Variants in CDCP1 observed in about 807,000 individuals in gnomAD.
CDCP1 encodes CUB domain-containing protein 1.
CDCP1 carries 29 observed loss-of-function variants against 60.2 expected under a neutral mutation model. The ratio of observed to expected loss-of-function variants is 0.48; its 90% CI spans 0.36 to 0.66. The LOEUF is 0.66. Ranked by LOEUF, CDCP1 falls within the 30% of genes least tolerant of loss-of-function variation. The probability of loss-of-function intolerance (pLI) is 0.00; values close to 1 mark genes in which losing one functional copy is unlikely to be tolerated. For synonymous variants in CDCP1, 387 were observed against 431.1 expected (o/e 0.90, Z 1.27); for missense variants, 876 against 1,074.3 (o/e 0.82, Z 2.58).
intron 1 of CDCP1, among the ~76,000 whole-genome samples, chr3:45,137,256 T>A (rs1007006411): frequency 6.6e-6 from 1 of 152,206 alleles, no homozygotes; most frequent in Admixed American, 6.5e-5. Flanking sequence ...ACTGTTCTGA[T>A]CCTTGTGTTT....
At chr3:45,145,864 G>A (rs112424165) in intron 1 of CDCP1, among the ~76,000 whole-genome samples, 2,613 of 152,204 alleles carry the variant, frequency 0.017, 89 homozygotes, top group African/African-American at 0.059. Flanking sequence ...TGGACATGTC[G>A]CCTGGGATCG....
chr3:45,110,960 G>C, intron 3 of CDCP1, 119 bp from the exon 4 acceptor site: 2 of 1,130,184 alleles, frequency 1.8e-6, no homozygotes, highest in Non-Finnish European at 2.5e-6. Flanking sequence ...ATCCTGAGCA[G>C]TGGGTCTAGA....
At position 45,091,577 on chromosome 3, in the gene CDCP1, T is replaced by A. The variant is rs377060707; in HGVS notation, c.1628-39A>T. The A allele has an allele frequency of 1.9e-6, 3 of 1,549,262 alleles. No homozygotes were observed. The highest frequency in any genetic ancestry group is 2.6e-6 in the Non-Finnish European group (3 of 1,150,686). On this transcript the variant is annotated intron_variant, in intron 6 of 8. Transcript: ENST00000296129. The surrounding 1 kb of genome is among the most constrained non-coding windows in gnomAD (Gnocchi z 4.8). ...AGGGAGATCCAGACAGATGTTTCAT[T>A]CAGTCAACATGGAGAGGAAAGGGAG...
rs747059350 is a variant in CDCP1 at position 45,110,778 on chromosome 3, T to A, written c.719A>T (p.Tyr240Phe). 6.2e-7 allele frequency: 1 copy of A among 1,613,966 alleles called. No homozygotes were observed. The highest frequency in any genetic ancestry group is 8.5e-7 in the Non-Finnish European group (1 of 1,179,998). Residue 240 changes from tyrosine to phenylalanine, a missense_variant, in exon 4 of 9, where the codon TAC becomes TTC. This residue lies in a region of CDCP1 where 726 missense variants were observed against 935.7 expected (regional missense o/e 0.78). Coordinates refer to ENST00000296129, the MANE Select transcript of CDCP1 (RefSeq NM_022842.5). ...EGSATLMSAN[Y>F]PEGFPEDELM... ...CTCATCCTCAGGGAAGCCTTCTGGG[T>A]AGTTGGCAGACATCAGGGTTGCTGA...
At chr3:45,142,437 A>G (rs1406585977) in intron 1 of CDCP1, among the ~76,000 whole-genome samples, 1 of 151,932 alleles carries the variant, frequency 6.6e-6, no homozygotes, top group Non-Finnish European at 1.5e-5. Context: ...TGCTTCTAAG[A>G]CTCTTGAGTC....
intron 1 of CDCP1, among the ~76,000 whole-genome samples, chr3:45,130,758 T>C (rs1699077497): frequency 6.6e-6 from 1 of 152,256 alleles, no homozygotes; most frequent in Admixed American, 6.5e-5. Context: ...TTACAGGTGT[T>C]GTCCCTGGGC....
intron 1 of CDCP1, among the ~76,000 whole-genome samples, chr3:45,129,789 T>C (rs1443306641): frequency 2.0e-5 from 3 of 152,174 alleles, no homozygotes; most frequent in Admixed American, 6.5e-5. Context: ...AACCTTGCCA[T>C]CAGAGATTAA....
chr3:45,131,367 A>G (rs1469617838), intron 1 of CDCP1, among the ~76,000 whole-genome samples: 1 of 152,198 alleles, frequency 6.6e-6, no homozygotes, highest in Non-Finnish European at 1.5e-5. Context: ...AAGCACATTC[A>G]CACTGTTGTG....
intron 1 of CDCP1, among the ~76,000 whole-genome samples, chr3:45,123,625 T>C (rs977512036): frequency 6.6e-6 from 1 of 152,184 alleles, no homozygotes; most frequent in Non-Finnish European, 1.5e-5. Context: ...ACTTGAAATG[T>C]GGACTCTCTC....
chr3:45,093,233 C>T (rs773825500), intron 6 of CDCP1, 44 bp downstream of exon 6: 19 of 1,565,662 alleles, frequency 1.2e-5, no homozygotes, highest in Admixed American at 3.9e-5. Flanking sequence ...ATCAAATAAA[C>T]GCTTAAACTA....
rs1268605285 is a variant in CDCP1, at chr3:45,085,646, C to T, written c.2503G>A (p.Ala835Thr). 1.9e-6 allele frequency: 3 copies of T among 1,610,434 alleles called. No homozygotes were observed. Among genetic ancestry groups the T allele is most frequent in the South Asian group, 1.1e-5 (1 of 90,840 alleles). The part of the protein sequence containing the change: ...LLNTQEPMEP[A>T]E Reference sequence around the variant, plus strand: ...GTCTGGAATGGATCAAGTTATTCTGCTGGCTCCATGGGCTCCTGAGTGTTC... The same window carrying T: ...GTCTGGAATGGATCAAGTTATTCTGTTGGCTCCATGGGCTCCTGAGTGTTC... Residue 835 changes from alanine (A) to threonine (T), a missense_variant, in exon 9 of 9, where the codon GCA (alanine) becomes ACA (threonine). Transcript: ENST00000296129. The surrounding 1 kb of genome is among the most constrained non-coding windows in gnomAD (Gnocchi z 4.2).
intron 5 of CDCP1, among the ~76,000 whole-genome samples, chr3:45,094,607 G>A (rs1035749401): frequency 6.6e-5 from 10 of 151,940 alleles, no homozygotes; most frequent in African/African-American, 2.2e-4. Context: ...CACCGGTAGG[G>A]GCTAACTGGA....
At chr3:45,113,875 A>AT (rs1461931568) in intron 2 of CDCP1, among the ~76,000 whole-genome samples, 3 of 152,236 alleles carry the variant, frequency 2.0e-5, no homozygotes, top group Non-Finnish European at 4.4e-5. Flanking sequence ...TTCAATGTTT[A>AT]TATCAAGCCA....
intron 4 of CDCP1, among the ~76,000 whole-genome samples, chr3:45,101,275 A>AATCT (rs1346601268): frequency 6.6e-6 from 1 of 152,246 alleles, no homozygotes; most frequent in African/African-American, 2.4e-5. Flanking sequence ...ACAAAAATGC[A>AATCT]ATCTAGCATA....
In CDCP1 at chr3:45,126,171, T is replaced by TTTCTTTCTTTCTTTCCTTCC. The variant is rs1252108024; in HGVS notation, c.83-7551_83-7550insGGAAGGAAAGAAAGAAAGAA. Among the ~76,000 whole-genome samples, 7 of 140,044 alleles carry TTTCTTTCTTTCTTTCCTTCC rather than the reference T, an allele frequency of 5.0e-5. No individual in the cohort carries two copies. In the East Asian group the frequency reaches 8.9e-4, roughly 18 times the overall value. 91.9% of individuals were successfully genotyped at this position (140,044 alleles called of 152,430 possible). A position where few individuals can be genotyped will look rare whatever the true frequency, so the allele number is the denominator to read the frequency against. The stretch of plus-strand genomic sequence containing the variant: ...CTTTCTTTCTTTCTTTCTTTCTTTC[T>TTTCTTTCTTTCTTTCCTTCC]TTCCTTCTTTCTCTCTCTCTCTCTT... On this transcript the variant is annotated intron_variant, in intron 1 of 8. Transcript: ENST00000296129.
intron 4 of CDCP1, 53 bp from the exon 5 acceptor site, chr3:45,095,621 G>A: frequency 1.3e-6 from 2 of 1,518,162 alleles, no homozygotes; most frequent in Admixed American, 1.7e-5. Flanking sequence ...AGCAACACGG[G>A]AAATGGCAAA....
rs776607065 is a variant in CDCP1 at position 45,093,719 on chromosome 3, T to A, written c.1247-62A>T. The A allele has an allele frequency of 3.2e-6, 5 of 1,539,910 alleles. No homozygotes were observed. In the Admixed American group the frequency reaches 5.7e-5, roughly 17 times the overall value. On this transcript the variant is annotated intron_variant, in intron 5 of 8. Transcript: ENST00000296129. Reference sequence around the variant, plus strand: ...AGACCAGAAGTGCACCCTCCCCAGCTCTCCCGTCAGCCTGAGGTTGGGTGT... The same window carrying A: ...AGACCAGAAGTGCACCCTCCCCAGCACTCCCGTCAGCCTGAGGTTGGGTGT...
chr3:45,088,089 T>C (rs914815172), intron 8 of CDCP1, among the ~76,000 whole-genome samples: 1 of 152,204 alleles, frequency 6.6e-6, no homozygotes, highest in African/African-American at 2.4e-5. Flanking sequence ...AATAGCTCTC[T>C]TCTCTCTCCC....
chr3:45,083,388 T>C lies in CDCP1; in HGVS notation c.*2250A>G, dbSNP rs1422908579. On this transcript the variant is annotated 3_prime_UTR_variant, in exon 9 of 9. Transcript: ENST00000296129. ...TTGCAGTACACGCCATTTAGGAGAC[T>C]ATAAAATTCCTTTCATTTATGCCAT... 4 of 152,242 alleles carry C rather than the reference T, an allele frequency of 2.6e-5. No individual in the cohort carries two copies. The East Asian group carries it at 7.7e-4, about 29-fold the overall frequency. 9.4% of individuals were successfully genotyped at this position (152,242 alleles called of 1,614,324 possible).
Sources: allele counts gnomAD v4.1 joint callset (sites outside exome capture counted in the v4.1 genomes callset), GRCh38; gene constraint gnomAD v4.1.1; regional missense constraint gnomAD v4.1.1; non-coding constraint Gnocchi (gnomAD v3.1); transcripts MANE v1.5; gene names NCBI Gene and HGNC (gene_info 2026-07-23, HGNC 2026-07-21).